The following SSBP3 variants were observed in gnomAD, a reference collection of about 807,000 sequenced individuals.
SSBP3 encodes single-stranded DNA-binding protein 3.
A neutral mutation model predicts 69.6 loss-of-function variants in SSBP3; 5 were observed. The observed-to-expected ratio is 0.07, with a 90% CI of 0.04 to 0.15. The LOEUF (loss-of-function observed/expected upper bound fraction) is 0.15, where lower values mean the gene tolerates loss of function less well. SSBP3 is among the 10% of genes least tolerant of loss of function. The pLI, the probability that SSBP3 is intolerant of heterozygous loss-of-function variation, is 1.00. For missense variants in SSBP3, 312 were observed against 534.0 expected (o/e 0.58, Z 4.10); for synonymous variants, 196 against 193.4 (o/e 1.01, Z -0.11).
chr1:54,316,662 AAATAAATAAAT>A (rs1557525274), intron 4 of SSBP3, among the ~76,000 whole-genome samples: 653 of 26,424 alleles, frequency 0.025, 66 homozygotes, highest in East Asian at 0.23. Context: ...AAAAAAAATA[AAATAAATAAAT>A]AAATAAATAA....
chr1:54,253,857 A>G (rs1429980968), intron 7 of SSBP3, among the ~76,000 whole-genome samples: 7 of 152,190 alleles, frequency 4.6e-5, no homozygotes, highest in African/African-American at 9.6e-5. Flanking sequence ...AGGTAGCCCA[A>G]TGCTGACCAC....
At chr1:54,340,556 G>A (rs1339096118) in intron 4 of SSBP3, among the ~76,000 whole-genome samples, 3 of 152,232 alleles carry the variant, frequency 2.0e-5, no homozygotes, top group Non-Finnish European at 4.4e-5. Context: ...GGAGAAATGA[G>A]TACACACTTT....
chr1:54,311,595 C>T (rs1056062071), intron 4 of SSBP3, among the ~76,000 whole-genome samples: 1 of 152,122 alleles, frequency 6.6e-6, no homozygotes, highest in African/African-American at 2.4e-5. Flanking sequence ...TGAGCCAGCC[C>T]CACAGCCCCC....
intron 4 of SSBP3, among the ~76,000 whole-genome samples, chr1:54,299,391 C>A (rs549568118): frequency 1.3e-5 from 2 of 152,144 alleles, no homozygotes; most frequent in Non-Finnish European, 2.9e-5. Flanking sequence ...CTACCCTCTG[C>A]CATTTTCACT....
chr1:54,375,336 C>CTGCA (rs537753571), intron 4 of SSBP3, among the ~76,000 whole-genome samples: 162 of 125,808 alleles, frequency 1.3e-3, no homozygotes, highest in African/African-American at 4.2e-3. Flanking sequence ...GGGGATCACA[C>CTGCA]TGCATGCATG....
chr1:54,304,643 C>T (rs577036773), intron 4 of SSBP3, among the ~76,000 whole-genome samples: 4 of 152,292 alleles, frequency 2.6e-5, no homozygotes, highest in South Asian at 4.2e-4. Flanking sequence ...AGGACAGCCA[C>T]AGGCAGAGGA....
chr1:54,355,166 G>A (rs933959015), intron 4 of SSBP3, among the ~76,000 whole-genome samples: 1 of 152,196 alleles, frequency 6.6e-6, no homozygotes, highest in Non-Finnish European at 1.5e-5. Flanking sequence ...TCCAACAAAC[G>A]TCTGATGAGA....
At chr1:54,268,039 T>C (rs1645130928) in intron 5 of SSBP3, among the ~76,000 whole-genome samples, 1 of 152,258 alleles carries the variant, frequency 6.6e-6, no homozygotes, top group Non-Finnish European at 1.5e-5. Flanking sequence ...TCTCCCAGCC[T>C]TCTTTAATGC....
At chr1:54,259,378 A>G (rs551999901) in intron 5 of SSBP3, among the ~76,000 whole-genome samples, 2 of 152,088 alleles carry the variant, frequency 1.3e-5, no homozygotes, top group African/African-American at 4.8e-5. Flanking sequence ...ATGTGTGTGT[A>G]GACTGGGTCA....
chr1:54,313,207 G>A (rs1646035515), intron 4 of SSBP3, among the ~76,000 whole-genome samples: 2 of 151,940 alleles, frequency 1.3e-5, no homozygotes, highest in Admixed American at 6.6e-5. Context: ...AGCTGCCCAG[G>A]GACCAATCGG....
At chr1:54,346,892 A>G (rs937328995) in intron 4 of SSBP3, among the ~76,000 whole-genome samples, 1 of 151,902 alleles carries the variant, frequency 6.6e-6, no homozygotes, top group African/African-American at 2.4e-5. Flanking sequence ...TTACTCCCCA[A>G]CCCCACCTCA....
chr1:54,379,634 T>G (rs1569993540), intron 4 of SSBP3, among the ~76,000 whole-genome samples: 1 of 152,114 alleles, frequency 6.6e-6, no homozygotes, highest in Non-Finnish European at 1.5e-5. Context: ...GGTACAATGG[T>G]GCGGCCAGGA....
At chr1:54,345,914 G>T (rs1162038736) in intron 4 of SSBP3, among the ~76,000 whole-genome samples, 2 of 151,896 alleles carry the variant, frequency 1.3e-5, no homozygotes, top group Admixed American at 6.6e-5. Flanking sequence ...GGCCGACGCG[G>T]GTGGATCACT....
rs545211248 is a variant in SSBP3, at chr1:54,275,808, G to A, written c.366+5630C>T. Among the ~76,000 whole-genome samples, 9 of 152,316 alleles carry A rather than the reference G, an allele frequency of 5.9e-5. 1 individual carries two copies. The South Asian group carries it at 1.9e-3, about 32-fold the overall frequency. ...AGGGGCATGTCTGAGTACATGGCAG[G>A]TTCTCCGTAACAGAACTTCAGATAC... On this transcript the variant is annotated intron_variant, in intron 5 of 17. Coordinates refer to ENST00000610401, the Ensembl canonical transcript of SSBP3.
At chr1:54,302,329 T>C (rs1645817666) in intron 4 of SSBP3, among the ~76,000 whole-genome samples, 1 of 151,782 alleles carries the variant, frequency 6.6e-6, no homozygotes, top group Non-Finnish European at 1.5e-5. Context: ...TTTTTTTTTT[T>C]TTTTTCCTGA....
upstream of SSBP3, among the ~76,000 whole-genome samples, chr1:54,407,241 A>G (rs1337604424): frequency 1.3e-5 from 2 of 152,096 alleles, no homozygotes; most frequent in Non-Finnish European, 2.9e-5. Context: ...CAGTCTTGGC[A>G]AGTTAGCCCC....
At chr1:54,379,829 A>G (rs766591910) in intron 4 of SSBP3, among the ~76,000 whole-genome samples, 8 of 152,234 alleles carry the variant, frequency 5.3e-5, no homozygotes, top group Non-Finnish European at 1.0e-4. Flanking sequence ...GGCAAAGCAC[A>G]AGGCGGTATC....
At chr1:54,243,359 A>G in intron 9 of SSBP3, 60 bp from the exon 10 acceptor site, 3 of 1,589,174 alleles carry the variant, frequency 1.9e-6, no homozygotes, top group Non-Finnish European at 2.6e-6. Context: ...AGGAGGAGGG[A>G]GGAGAAACAA....
chr1:54,321,822 G>C (rs1646219350), intron 4 of SSBP3, among the ~76,000 whole-genome samples: 1 of 152,228 alleles, frequency 6.6e-6, no homozygotes, highest in South Asian at 2.1e-4. Flanking sequence ...GCTCAAGATA[G>C]AATGTCCCCC....
Sources: gnomAD v4.1 joint callset for allele counts (sites outside exome capture counted in the v4.1 genomes callset) on GRCh38, gnomAD v4.1.1 for gene constraint, MANE v1.5 for transcripts, NCBI Gene and HGNC (gene_info 2026-07-23, HGNC 2026-07-21) for gene names.